The following NEO1 variants were observed in gnomAD, a reference collection of about 807,000 sequenced individuals.
The protein encoded by NEO1 is neogenin 1.
A neutral mutation model predicts 159.7 loss-of-function variants in NEO1; 63 were observed. The ratio of observed to expected loss-of-function variants is 0.39; its 90% CI spans 0.32 to 0.49. NEO1 has a LOEUF of 0.49. Among genes scored for constraint, NEO1 ranks in the 20% least tolerant of loss-of-function variants. The pLI is 0.85. For synonymous variants in NEO1, 633 were observed against 662.0 expected (o/e 0.96, Z 0.67); for missense variants, 1,615 against 1,831.0 (o/e 0.88, Z 2.15).
chr15:73,217,604 A>C (rs1372413133), intron 7 of NEO1, among the ~76,000 whole-genome samples: 2 of 152,072 alleles, frequency 1.3e-5, no homozygotes, highest in Non-Finnish European at 2.9e-5. Flanking sequence ...CTTCTATTTC[A>C]TTGAGCAGTG....
chr15:73,081,850 C>A (rs1284103455), intron 1 of NEO1, among the ~76,000 whole-genome samples: 5 of 151,224 alleles, frequency 3.3e-5, no homozygotes, highest in Non-Finnish European at 5.9e-5. Flanking sequence ...AGCCACCACA[C>A]CCAGCCAAAT....
At chr15:73,067,097 T>A (rs2068260320) in intron 1 of NEO1, among the ~76,000 whole-genome samples, 1 of 152,226 alleles carries the variant, frequency 6.6e-6, no homozygotes, top group African/African-American at 2.4e-5. Context: ...TTGTCTGGTT[T>A]TTCATCACAT....
intron 7 of NEO1, among the ~76,000 whole-genome samples, chr15:73,223,363 A>G (rs1399841312): frequency 6.6e-6 from 1 of 152,044 alleles, no homozygotes; most frequent in Non-Finnish European, 1.5e-5. Flanking sequence ...TGACCCATCT[A>G]GTGCTGTCAG....
chr15:73,191,059 A>G (rs1477824611), intron 7 of NEO1, among the ~76,000 whole-genome samples: 1 of 152,072 alleles, frequency 6.6e-6, no homozygotes, highest in African/African-American at 2.4e-5. Context: ...TGAAATAGAT[A>G]TGTTGTTTGC....
At chr15:73,098,449 A>G (rs8031718) in intron 1 of NEO1, among the ~76,000 whole-genome samples, 20,229 of 152,140 alleles carry the variant, frequency 0.13, 2,090 homozygotes, top group African/African-American at 0.28. Flanking sequence ...CCCTGTGTGT[A>G]TTAAAAGTTA....
chr15:73,121,582 C>T (rs1055798925), intron 2 of NEO1, among the ~76,000 whole-genome samples: 2 of 152,136 alleles, frequency 1.3e-5, no homozygotes, highest in African/African-American at 4.8e-5. Flanking sequence ...TACTGTTCCT[C>T]ATGACATTTT....
At chr15:73,137,956 T>C (rs112147296) in intron 5 of NEO1, among the ~76,000 whole-genome samples, 27 of 152,216 alleles carry the variant, frequency 1.8e-4, no homozygotes, top group Middle Eastern at 3.4e-3. Context: ...GATAAATAGG[T>C]GTCTTAGAGG....
At chr15:73,233,730 T>A (rs988867854) in intron 7 of NEO1, among the ~76,000 whole-genome samples, 8 of 152,120 alleles carry the variant, frequency 5.3e-5, no homozygotes. Context: ...TATCACTCAT[T>A]ACTCCCATCA....
At chr15:73,230,542 T>G (rs926340365) in intron 7 of NEO1, among the ~76,000 whole-genome samples, 2 of 152,192 alleles carry the variant, frequency 1.3e-5, no homozygotes, top group Admixed American at 1.3e-4. Context: ...AAAGCACCAC[T>G]CTAGCTGCAT....
intron 1 of NEO1, among the ~76,000 whole-genome samples, chr15:73,092,694 T>A (rs969012861): frequency 6.6e-6 from 1 of 152,196 alleles, no homozygotes; most frequent in African/African-American, 2.4e-5. Flanking sequence ...GCTTTAGAAT[T>A]TTAAATTATT....
At chr15:73,260,500 G>A in intron 15 of NEO1, 35 bp downstream of exon 15, 1 of 1,448,006 alleles carries the variant, frequency 6.9e-7, no homozygotes. Flanking sequence ...TAATTGTGTG[G>A]GAGATTCCTT....
chr15:73,258,673 G>T, intron 13 of NEO1, 93 bp from the exon 14 acceptor site: 1 of 1,010,214 alleles, frequency 9.9e-7, no homozygotes, highest in Non-Finnish European at 1.5e-6. Context: ...ATACTGAGTT[G>T]GTGACTGAGA....
At chr15:73,067,807 G>A (rs931862026) in intron 1 of NEO1, among the ~76,000 whole-genome samples, 8 of 151,832 alleles carry the variant, frequency 5.3e-5, no homozygotes, top group African/African-American at 1.7e-4. Context: ...TAGTAGAGAC[G>A]GGGTTTCACT....
intron 15 of NEO1, among the ~76,000 whole-genome samples, chr15:73,262,865 A>G (rs1376629568): frequency 1.3e-5 from 2 of 152,218 alleles, no homozygotes; most frequent in Non-Finnish European, 2.9e-5. Flanking sequence ...TCCATGGAGT[A>G]CTACTCAGCA....
At chr15:73,241,293 T>TA (rs1164571802) in intron 8 of NEO1, among the ~76,000 whole-genome samples, 4 of 152,246 alleles carry the variant, frequency 2.6e-5, no homozygotes, top group Admixed American at 2.6e-4. Flanking sequence ...AGAGATCTGT[T>TA]AGTCTAGTCA....
chr15:73,282,054 C>G (rs781074935), intron 22 of NEO1, among the ~76,000 whole-genome samples: 1 of 152,200 alleles, frequency 6.6e-6, no homozygotes, highest in Non-Finnish European at 1.5e-5. Context: ...ACTTGCATCT[C>G]TCTGCTTAAA....
chr15:73,293,417 C>G lies in NEO1; in HGVS notation c.3770C>G (p.Ser1257Cys). The G allele has an allele frequency of 6.2e-7, 1 of 1,614,158 alleles. No individual in the cohort carries two copies. Among genetic ancestry groups the G allele is most frequent in the Non-Finnish European group, 8.5e-7 (1 of 1,180,020 alleles). Residue 1257 changes from serine (S) to cysteine (C), a missense_variant, in exon 26 of 29, where the codon TCC (serine) becomes TGC (cysteine). Coordinates refer to ENST00000261908, the MANE Select transcript of NEO1 (RefSeq NM_002499.4). The stretch of plus-strand genomic sequence containing the variant: ...GTGATTAGTGCCCATCCCATCCATT[C>G]CCTCGATAACCCTCACCATCATTTC... The part of the protein sequence containing the change: ...QPVISAHPIH[S>C]LDNPHHHFHS...
intron 5 of NEO1, among the ~76,000 whole-genome samples, chr15:73,155,849 A>C (rs1174918989): frequency 6.6e-6 from 1 of 152,192 alleles, no homozygotes; most frequent in African/African-American, 2.4e-5. Context: ...TGGTATCCTA[A>C]ATAGATGTTC....
rs2151186476 is a variant in NEO1 at position 73,052,693 on chromosome 15, A to G, written c.18A>G (p.Gly6=). The G allele has an allele frequency of 1.5e-6, 2 of 1,354,440 alleles. No homozygotes were observed. The highest frequency in any genetic ancestry group is 1.9e-6 in the Non-Finnish European group (2 of 1,046,240). 83.9% of individuals were successfully genotyped at this position (1,354,440 alleles called of 1,614,324 possible). A position where few individuals can be genotyped will look rare whatever the true frequency, so the allele number is the denominator to read the frequency against. ...GGGAAGAGATGGCGGCGGAGCGGGG[A>G]GCCCGGCGACTCCTCAGCACCCCCT... MAAER[G]ARRLLSTPSF... is the part of the protein sequence containing the mutation. The change falls in exon 1 of 29, where the codon GGA becomes GGG. Residue 6 remains glycine (G), a synonymous_variant. Transcript: ENST00000261908.
Sources: allele counts gnomAD v4.1 joint callset (sites outside exome capture counted in the v4.1 genomes callset), GRCh38; gene constraint gnomAD v4.1.1; transcripts MANE v1.5; gene names NCBI Gene and HGNC (gene_info 2026-07-23, HGNC 2026-07-21).